The following TXNRD2 variants were observed in gnomAD, a reference collection of about 807,000 sequenced individuals.
TXNRD2 encodes thioredoxin reductase 2, also known as thioredoxin reductase 2, mitochondrial.
In TXNRD2, 67 loss-of-function variants were observed where a neutral mutation model predicts 70.8. The observed-to-expected ratio is 0.95, with a 90% confidence interval of 0.78 to 1.16. The LOEUF (loss-of-function observed/expected upper bound fraction) is 1.16, where lower values mean the gene tolerates loss of function less well. TXNRD2 is among the 50% of genes most tolerant of loss of function. The probability of loss-of-function intolerance (pLI) is 0.00; values close to 1 mark genes in which losing one functional copy is unlikely to be tolerated. For synonymous variants in TXNRD2, 301 were observed against 295.8 expected (o/e 1.02, Z -0.18); for missense variants, 644 against 719.9 (o/e 0.89, Z 1.21).
At chr22:19,921,445 A>G (rs1940913683) in intron 2 of TXNRD2, among the ~76,000 whole-genome samples, 1 of 150,056 alleles carries the variant, frequency 6.7e-6, no homozygotes, top group South Asian at 2.1e-4. Context: ...CCAGTGTGCC[A>G]GTGTGTAACT....
intron 10 of TXNRD2, 139 bp from the exon 11 acceptor site, chr22:19,895,720 G>A: frequency 1.1e-6 from 1 of 937,542 alleles, no homozygotes; most frequent in Non-Finnish European, 1.6e-6. Flanking sequence ...CCTGCCCCCT[G>A]CTCTACGTCC....
Position 19,879,224 on chromosome 22 carries a change from G to A in TXNRD2, c.1276-787C>T, listed in dbSNP as rs568679438. On this transcript the variant is annotated intron_variant, in intron 14 of 17. Transcript: ENST00000400521. Reference sequence around the variant, plus strand: ...GCCCGTCCTGTTGATGGAGAGTTCTGGGGTGCAGGGGGAAGGGGCCAGCCC... The same window carrying A: ...GCCCGTCCTGTTGATGGAGAGTTCTAGGGTGCAGGGGGAAGGGGCCAGCCC... Among the ~76,000 whole-genome samples the A allele has an allele frequency of 3.0e-3, 450 of 152,330 alleles. 3 individuals carry two copies. Among genetic ancestry groups the A allele is most frequent in the African/African-American group, 0.01 (417 of 41,582 alleles).
intron 3 of TXNRD2, 56 bp from the exon 4 acceptor site, chr22:19,919,060 C>T: frequency 1.3e-6 from 2 of 1,565,236 alleles, no homozygotes; most frequent in Non-Finnish European, 1.7e-6. Flanking sequence ...CTGGAGGCTT[C>T]CCTGTTCTTC....
intron 8 of TXNRD2, among the ~76,000 whole-genome samples, chr22:19,901,777 G>A (rs959037613): frequency 2.0e-5 from 3 of 152,142 alleles, no homozygotes; most frequent in Admixed American, 6.5e-5. Context: ...AGACAGGAAC[G>A]TGGTGCAGCA....
rs1410697719 is a variant in TXNRD2, at chr22:19,878,403, G to A, written c.1310C>T (p.Thr437Met). 4.3e-6 allele frequency: 7 copies of A among 1,613,670 alleles called. No homozygotes were observed. The highest frequency in any genetic ancestry group is 2.2e-5 in the East Asian group (1 of 44,894). The change falls in exon 15 of 18, where the codon ACG becomes ATG. Residue 437 changes from threonine (T) to methionine (M), a missense_variant. Physicochemically the swap from Thr to Met is moderately conservative, Grantham distance 81. Around this residue, in one of 3 missense-constraint regions of TXNRD2, gnomAD observed 566 missense variants for 645.0 expected, o/e 0.88. Transcript: ENST00000400521. Reference protein sequence around the residue: ...YHAHYKPLEFTVAGRDASQCY... With the variant: ...YHAHYKPLEFMVAGRDASQCY... ...CTGGGATGCATCTCGTCCAGCCACC[G>A]TGAACTCCAGTGGTTTATAATGGGC...
chr22:19,934,084 GGCCACCTCAGGGT>G (rs886194237), intron 1 of TXNRD2, among the ~76,000 whole-genome samples: 16 of 152,324 alleles, frequency 1.1e-4, no homozygotes, highest in African/African-American at 3.4e-4. Flanking sequence ...CAGGCAGGCT[GGCCACCTCAGGGT>G]GCCACCTCAG....
At chr22:19,907,224 G>A (rs1375823800) in intron 8 of TXNRD2, among the ~76,000 whole-genome samples, 3 of 72,706 alleles carry the variant, frequency 4.1e-5, no homozygotes, top group African/African-American at 5.5e-5. Context: ...GGCGCCGTGA[G>A]TAGCAGTGAC....
chr22:19,891,851 C>T (rs1426148035), intron 11 of TXNRD2: 1 of 152,294 alleles, frequency 6.6e-6, no homozygotes, highest in Non-Finnish European at 1.5e-5. Context: ...GTTTAATCCA[C>T]CACGTGGAGA....
intron 1 of TXNRD2, among the ~76,000 whole-genome samples, chr22:19,935,921 C>T (rs908782325): frequency 6.6e-5 from 10 of 152,108 alleles, no homozygotes; most frequent in East Asian, 1.9e-4. Context: ...GTGTATTCTC[C>T]GGGGTAACTA....
intron 2 of TXNRD2, among the ~76,000 whole-genome samples, chr22:19,925,782 T>C (rs1330157986): frequency 6.6e-6 from 1 of 151,922 alleles, no homozygotes; most frequent in East Asian, 1.9e-4. Context: ...TTCTTAGCTA[T>C]GATACCAAAA....
At chr22:19,934,382 G>GAAAAAAAAAAAAAA (rs35669821) in intron 1 of TXNRD2, among the ~76,000 whole-genome samples, 1 of 93,762 alleles carries the variant, frequency 1.1e-5, no homozygotes, top group African/African-American at 4.1e-5. Context: ...CTCTGTCTCA[G>GAAAAAAAAAAAAAA]AAAAAAAAAA....
chr22:19,931,704 T>C (rs1344170097), intron 1 of TXNRD2, among the ~76,000 whole-genome samples: 5 of 152,108 alleles, frequency 3.3e-5, no homozygotes, highest in Non-Finnish European at 1.5e-5. Flanking sequence ...GGTCTGGCTA[T>C]GTTGCCCAGG....
intron 6 of TXNRD2, 141 bp downstream of exon 6, chr22:19,915,624 C>T (rs1940602014): frequency 1.3e-6 from 1 of 784,888 alleles, no homozygotes; most frequent in African/African-American, 1.7e-5. Context: ...AGACAAGTGC[C>T]CAGCCTCAAA....
In TXNRD2 at chr22:19,892,167, CT is replaced by C. The variant is rs368010221; in HGVS notation, c.949+3239del. Among the ~76,000 whole-genome samples the C allele has an allele frequency of 1.5e-4, 23 of 152,376 alleles. No homozygotes were observed. In the East Asian group the frequency reaches 2.1e-3, roughly 14 times the overall value. Reference sequence around the variant, plus strand: ...GTTGGCATTGCCAGCTGTGCCGCCCCTAGGGCGCTTTATTTTAACCTCCCAG... The same window carrying C: ...GTTGGCATTGCCAGCTGTGCCGCCCCAGGGCGCTTTATTTTAACCTCCCAG... On this transcript the variant is annotated intron_variant, in intron 11 of 17. Transcript: ENST00000400521.
Position 19,895,447 on chromosome 22 carries a change from C to T in TXNRD2, c.909G>A (p.Lys303=). 6.2e-7 allele frequency: 1 copy of T among 1,614,012 alleles called. No homozygotes were observed. The highest frequency in any genetic ancestry group is 8.5e-7 in the Non-Finnish European group (1 of 1,179,998). The change falls in exon 11 of 18, where the codon AAG becomes AAA. Residue 303 remains lysine, a synonymous_variant. Transcript: ENST00000400521. The stretch of plus-strand genomic sequence containing the variant: ...CGGTGTCAAAGGTGCCCGTGTCCTC[C>T]TTGCCGGTGGTGCTGTCCTCCCAGG... The part of the protein sequence containing the change: ...QVTWEDSTTG[K]EDTGTFDTVL...
intron 8 of TXNRD2, among the ~76,000 whole-genome samples, chr22:19,899,372 C>T (rs1301015457): frequency 6.6e-6 from 1 of 152,242 alleles, no homozygotes; most frequent in African/African-American, 2.4e-5. Flanking sequence ...CATGGCTTTC[C>T]TTCTCTCCCC....
In TXNRD2 at chr22:19,888,938, G is replaced by A. The variant is rs373930578; in HGVS notation, c.950-5477C>T. 2.8e-5 allele frequency among the ~76,000 whole-genome samples: 4 copies of A among 142,582 alleles called. No homozygotes were observed. In the East Asian group the frequency reaches 6.3e-4, roughly 22 times the overall value. 93.5% of individuals were successfully genotyped at this position (142,582 alleles called of 152,430 possible). ...CTCAATGAGCCCCGGGCCCCTACCC[G>A]CAGCTATGAGCCCACCAGGGGGAAG... On this transcript the variant is annotated intron_variant, in intron 11 of 17. Coordinates refer to ENST00000400521, the MANE Select transcript of TXNRD2 (RefSeq NM_006440.5).
intron 11 of TXNRD2, among the ~76,000 whole-genome samples, chr22:19,892,038 T>A (rs1353786700): frequency 1.3e-5 from 2 of 152,264 alleles, no homozygotes; most frequent in African/African-American, 4.8e-5. Flanking sequence ...CCTGGGCCCC[T>A]TCTGTGTGTG....
At chr22:19,901,108 C>A (rs1939757226) in intron 8 of TXNRD2, among the ~76,000 whole-genome samples, 1 of 152,234 alleles carries the variant, frequency 6.6e-6, no homozygotes, top group Non-Finnish European at 1.5e-5. Context: ...CAGCAACACA[C>A]CCTCCTGATT....
Sources: allele counts gnomAD v4.1 joint callset (sites outside exome capture counted in the v4.1 genomes callset), GRCh38; gene constraint gnomAD v4.1.1; regional missense constraint gnomAD v4.1.1; transcripts MANE v1.5; gene names NCBI Gene and HGNC (gene_info 2026-07-23, HGNC 2026-07-21).